Variants in CD2AP observed in about 807,000 individuals in gnomAD.
CD2AP encodes CD2-associated protein.
A neutral mutation model predicts 85.1 loss-of-function variants in CD2AP; 46 were observed. The observed-to-expected ratio is 0.54, with a 90% CI of 0.43 to 0.69. The LOEUF is 0.69. Ranked by LOEUF, CD2AP falls within the 30% of genes least tolerant of loss-of-function variation. The pLI is 0.00. For synonymous variants in CD2AP, 255 were observed against 252.9 expected (o/e 1.01, Z -0.08); for missense variants, 769 against 729.5 (o/e 1.05, Z -0.62).
intron 8 of CD2AP, among the ~76,000 whole-genome samples, chr6:47,578,174 A>G (rs1227348992): frequency 2.0e-5 from 3 of 152,032 alleles, no homozygotes; most frequent in Admixed American, 2.0e-4. Context: ...TTTAGAAGAA[A>G]CTTAGAAGGT....
chr6:47,563,550 G>A (rs1383393449), intron 5 of CD2AP, among the ~76,000 whole-genome samples: 1 of 152,094 alleles, frequency 6.6e-6, no homozygotes, highest in East Asian at 1.9e-4. Context: ...AGCAGGGTGG[G>A]GATATGTAAT....
chr6:47,576,109 A>G (rs1428744728), intron 6 of CD2AP, among the ~76,000 whole-genome samples: 1 of 152,146 alleles, frequency 6.6e-6, no homozygotes, highest in Non-Finnish European at 1.5e-5. Flanking sequence ...GGGTCTCACC[A>G]TGTCATCCAG....
chr6:47,491,617 T>TATTTGGA (rs988871657), intron 1 of CD2AP, among the ~76,000 whole-genome samples: 5 of 152,140 alleles, frequency 3.3e-5, no homozygotes, highest in African/African-American at 1.2e-4. Flanking sequence ...AACTTATGCC[T>TATTTGGA]ATTTGGAATT....
intron 17 of CD2AP, among the ~76,000 whole-genome samples, chr6:47,614,836 G>A (rs1484474272): frequency 1.3e-5 from 2 of 152,154 alleles, no homozygotes; most frequent in Admixed American, 6.6e-5. Flanking sequence ...CTCAGGGACA[G>A]GACTGGTAGT....
At chr6:47,527,956 T>A (rs958801119) in intron 2 of CD2AP, among the ~76,000 whole-genome samples, 1 of 152,186 alleles carries the variant, frequency 6.6e-6, no homozygotes, top group Admixed American at 6.5e-5. Context: ...TGTGTCATAT[T>A]GTTGGCTAAG....
rs141402367 is a variant in CD2AP, at chr6:47,576,458, A to G, written c.730-66A>G. The G allele has an allele frequency of 1.1e-3, 1,171 of 1,076,962 alleles. 10 individuals carry two copies. In the African/African-American group the frequency reaches 0.016, roughly 14 times the overall value. The allele number at this position is 1,076,962 out of a possible 1,614,324, so 66.7% of individuals were successfully genotyped here. A position where few individuals can be genotyped will look rare whatever the true frequency, so the allele number is the denominator to read the frequency against. On this transcript the variant is annotated intron_variant, in intron 6 of 17. Coordinates refer to ENST00000359314, the MANE Select transcript of CD2AP (RefSeq NM_012120.3). Reference sequence around the variant, plus strand: ...GAAAGCTGGGTAACTGTAAATGGAAACTTTGTTTAACAGTATTATCTTTAT... The same window carrying G: ...GAAAGCTGGGTAACTGTAAATGGAAGCTTTGTTTAACAGTATTATCTTTAT...
At chr6:47,541,284 C>T (rs867399701) in intron 3 of CD2AP, among the ~76,000 whole-genome samples, 8 of 152,056 alleles carry the variant, frequency 5.3e-5, no homozygotes, top group African/African-American at 1.2e-4. Flanking sequence ...CCACCACGCC[C>T]GGCTAATTTT....
At position 47,570,143 on chromosome 6, in the gene CD2AP, T is replaced by C. The variant is rs988672675; in HGVS notation, c.542-3921T>C. On this transcript the variant is annotated intron_variant, in intron 5 of 17. Transcript: ENST00000359314. ...TGCTTTTTATTTTCATCAGATTTCTTTTTTTTTTTTAAGCTTTCAGTGCAG... is the reference window on the plus strand; with the variant it reads ...TGCTTTTTATTTTCATCAGATTTCTCTTTTTTTTTTAAGCTTTCAGTGCAG... Among the ~76,000 whole-genome samples, 5 of 85,362 alleles carry C rather than the reference T, an allele frequency of 5.9e-5. No individual in the cohort carries two copies. The South Asian group carries it at 1.8e-3, about 30-fold the overall frequency. The allele number at this position is 85,362 out of a possible 152,430, so 56.0% of individuals were successfully genotyped here.
intron 1 of CD2AP, among the ~76,000 whole-genome samples, chr6:47,485,347 C>G (rs1197241815): frequency 6.6e-5 from 10 of 151,676 alleles, no homozygotes; most frequent in Admixed American, 6.6e-4. Flanking sequence ...TCTTTGCAGG[C>G]CTAGGCTAAT....
At chr6:47,583,871 A>AC (rs1322107066) in intron 11 of CD2AP, among the ~76,000 whole-genome samples, 4 of 152,034 alleles carry the variant, frequency 2.6e-5, no homozygotes, top group African/African-American at 9.7e-5. Flanking sequence ...ACCATTTTGT[A>AC]CTCCCCCTAG....
intron 1 of CD2AP, 99 bp downstream of exon 1, chr6:47,478,347 C>G (rs2113951729): frequency 7.2e-7 from 1 of 1,388,340 alleles, no homozygotes. Context: ...TGCGGTCAGC[C>G]CCTGAGCGGC....
chr6:47,591,691 G>A (rs907671956), intron 11 of CD2AP, among the ~76,000 whole-genome samples: 6 of 151,984 alleles, frequency 3.9e-5, no homozygotes, highest in Non-Finnish European at 5.9e-5. Context: ...AACTTATTAC[G>A]TACAGTGTTG....
At position 47,618,170 on chromosome 6, in the gene CD2AP, A is replaced by C. The variant is rs575853103; in HGVS notation, c.1878+5634A>C. Among the ~76,000 whole-genome samples the C allele has an allele frequency of 1.3e-4, 20 of 152,294 alleles. No homozygotes were observed. In the South Asian group the frequency reaches 4.1e-3, roughly 32 times the overall value. On this transcript the variant is annotated intron_variant, in intron 17 of 17. Coordinates refer to ENST00000359314, the MANE Select transcript of CD2AP (RefSeq NM_012120.3). ...CTTGTCTCTACTAAAAAATATAAAA[A>C]TTAGCTGGGCATGGTGGTACACACC... is the stretch of plus-strand genomic sequence containing the variant.
chr6:47,508,933 C>G (rs1214275491), intron 2 of CD2AP, among the ~76,000 whole-genome samples: 1 of 152,166 alleles, frequency 6.6e-6, no homozygotes, highest in East Asian at 1.9e-4. Context: ...AGACCTTTGT[C>G]TTTGTATTTG....
At chr6:47,492,347 C>CATTTTT (rs1554167732) in intron 1 of CD2AP, among the ~76,000 whole-genome samples, 31 of 95,506 alleles carry the variant, frequency 3.2e-4, no homozygotes, top group Admixed American at 6.6e-4. Flanking sequence ...CACCTGTAAT[C>CATTTTT]TTTTTTTTTT....
At chr6:47,488,232 TG>T in intron 1 of CD2AP, among the ~76,000 whole-genome samples, 1 of 152,222 alleles carries the variant, frequency 6.6e-6, no homozygotes, top group East Asian at 1.9e-4. Flanking sequence ...CAATTTAACA[TG>T]TTAAACACAT....
intron 2 of CD2AP, among the ~76,000 whole-genome samples, chr6:47,513,564 A>G (rs926646727): frequency 1.3e-5 from 2 of 151,924 alleles, no homozygotes; most frequent in Non-Finnish European, 2.9e-5. Flanking sequence ...CCCAGAATGC[A>G]TGGTGTTTAA....
intron 2 of CD2AP, among the ~76,000 whole-genome samples, chr6:47,505,839 C>CG (rs1219572295): frequency 2.6e-5 from 3 of 115,272 alleles, no homozygotes; most frequent in East Asian, 2.8e-4. Context: ...CACGGCTGTC[C>CG]GGGCGGGGGG....
chr6:47,611,383 G>GC (rs982502490), intron 16 of CD2AP, among the ~76,000 whole-genome samples: 2 of 92,376 alleles, frequency 2.2e-5, no homozygotes, highest in East Asian at 4.3e-4. Flanking sequence ...ATGGAAGAGG[G>GC]GGGGAATAGG....
Sources: gnomAD v4.1 joint callset for allele counts (sites outside exome capture counted in the v4.1 genomes callset) on GRCh38, gnomAD v4.1.1 for gene constraint, MANE v1.5 for transcripts, NCBI Gene and HGNC (gene_info 2026-07-23, HGNC 2026-07-21) for gene names.